The following ACSS3 variants were observed in gnomAD, a reference collection of about 807,000 sequenced individuals.
The protein encoded by ACSS3 is acyl-CoA synthetase short-chain family member 3, mitochondrial.
Under a neutral mutation model 84.2 loss-of-function variants are expected in ACSS3, and 64 were observed. The ratio of observed to expected loss-of-function variants is 0.76; its 90% CI spans 0.62 to 0.94. The LOEUF (loss-of-function observed/expected upper bound fraction) is 0.94, where lower values mean the gene tolerates loss of function less well. ACSS3 is among the 40% of genes least tolerant of loss of function. The pLI, the probability that ACSS3 is intolerant of heterozygous loss-of-function variation, is 0.00. For synonymous variants in ACSS3, 317 were observed against 310.1 expected, an observed-to-expected ratio of 1.02 and a Z score of -0.23; for missense variants, 815 against 867.6, an observed-to-expected ratio of 0.94 and a Z score of 0.76.
intron 5 of ACSS3, among the ~76,000 whole-genome samples, chr12:81,147,832 T>C (rs770994715): frequency 6.6e-6 from 1 of 151,702 alleles, no homozygotes; most frequent in Non-Finnish European, 1.5e-5. Context: ...AAATTTATTT[T>C]CCCCCTTTAT....
intron 2 of ACSS3, among the ~76,000 whole-genome samples, chr12:81,110,480 T>C (rs1883483520): frequency 6.6e-6 from 1 of 152,178 alleles, no homozygotes; most frequent in Non-Finnish European, 1.5e-5. Context: ...TCAGAAGTAA[T>C]TATAAAAAGT....
rs375018875 is a variant in ACSS3, at chr12:81,231,122, A to G, written c.1580A>G (p.Tyr527Cys). 6.2e-7 allele frequency: 1 copy of G among 1,609,196 alleles called. No homozygotes were observed. ...AATCAGGAAGCATTCAAGCATTTAT[A>G]CTTTGAAAAATTTCCTGTAAGAACT... ...WKNQEAFKHLYFEKFPGYYDT... is the reference protein window; with the variant it reads ...WKNQEAFKHLCFEKFPGYYDT... Residue 527 changes from tyrosine to cysteine, a missense_variant, in exon 12 of 16, where the codon TAC becomes TGC. Physicochemically the swap from Tyr to Cys is radical, Grantham distance 194. Coordinates refer to ENST00000548058, the MANE Select transcript of ACSS3 (RefSeq NM_024560.4).
intron 4 of ACSS3, among the ~76,000 whole-genome samples, chr12:81,139,970 G>C (rs549640498): frequency 6.6e-6 from 1 of 152,146 alleles, no homozygotes; most frequent in Admixed American, 6.6e-5. Flanking sequence ...CTATTAACTA[G>C]ATGATAATAT....
At chr12:81,202,850 C>T (rs78189564) in intron 9 of ACSS3, among the ~76,000 whole-genome samples, 14,194 of 152,160 alleles carry the variant, frequency 0.093, 890 homozygotes, top group East Asian at 0.2. Context: ...GAAGGGACTC[C>T]GCAGTCAGTT....
intron 2 of ACSS3, among the ~76,000 whole-genome samples, chr12:81,114,058 G>A (rs1431043362): frequency 6.6e-6 from 1 of 151,844 alleles, no homozygotes; most frequent in Non-Finnish European, 1.5e-5. Context: ...TTCTGTGTGT[G>A]GCAAGTGTGC....
intron 13 of ACSS3, 113 bp from the exon 14 acceptor site, chr12:81,253,194 C>T (rs1179609107): frequency 2.6e-6 from 3 of 1,175,692 alleles, no homozygotes; most frequent in Non-Finnish European, 3.6e-6. Flanking sequence ...CACTTTTTTC[C>T]CCAACTGAAA....
At chr12:81,163,511 C>A (rs1285816139) in intron 7 of ACSS3, among the ~76,000 whole-genome samples, 1 of 152,118 alleles carries the variant, frequency 6.6e-6, no homozygotes. Flanking sequence ...CTATACTATA[C>A]CTTTTATCTT....
At chr12:81,143,976 T>C (rs939818536) in intron 5 of ACSS3, among the ~76,000 whole-genome samples, 1 of 152,200 alleles carries the variant, frequency 6.6e-6, no homozygotes, top group African/African-American at 2.4e-5. Flanking sequence ...CTTACTCATC[T>C]TTATTAGGTG....
intron 1 of ACSS3, among the ~76,000 whole-genome samples, chr12:81,106,141 G>A (rs921609991): frequency 3.9e-5 from 6 of 152,198 alleles, no homozygotes; most frequent in African/African-American, 1.2e-4. Context: ...GGGCCACACA[G>A]CAGGAGGTGA....
At position 81,253,665 on chromosome 12, in the gene ACSS3, T is replaced by C. The variant is rs1389470653; in HGVS notation, c.1990T>C (p.Tyr664His). Residue 664 changes from tyrosine (Y) to histidine (H), a missense_variant, in exon 15 of 16, where the codon TAC becomes CAC. Coordinates refer to ENST00000548058, the MANE Select transcript of ACSS3 (RefSeq NM_024560.4). ...ATCTGCCATTGTCAATGGCAAGCCA[T>C]ACAAGGTAAATTATCAAAGATATTT... ...ALSAIVNGKPYKITSTIEDPS... is the reference protein window; with the variant it reads ...ALSAIVNGKPHKITSTIEDPS... 6.2e-7 allele frequency: 1 copy of C among 1,610,748 alleles called. No homozygotes were observed. Among genetic ancestry groups the C allele is most frequent in the Non-Finnish European group, 8.5e-7 (1 of 1,177,722 alleles).
chr12:81,123,834 A>G (rs999714342), intron 2 of ACSS3, among the ~76,000 whole-genome samples: 1 of 152,132 alleles, frequency 6.6e-6, no homozygotes, highest in African/African-American at 2.4e-5. Context: ...TCCATAGTGT[A>G]TATGTACCAC....
At chr12:81,130,574 G>C (rs1241819662) in intron 2 of ACSS3, among the ~76,000 whole-genome samples, 1 of 152,134 alleles carries the variant, frequency 6.6e-6, no homozygotes, top group East Asian at 1.9e-4. Flanking sequence ...ACATTCTGTA[G>C]GTTGCATGTT....
intron 2 of ACSS3, among the ~76,000 whole-genome samples, chr12:81,129,392 C>T (rs886523678): frequency 6.6e-6 from 1 of 152,050 alleles, no homozygotes; most frequent in South Asian, 2.1e-4. Context: ...TATGGCAAAC[C>T]ACTAGGCTGA....
Position 81,199,411 on chromosome 12 carries a change from A to G in ACSS3, c.1321A>G (p.Arg441Gly), listed in dbSNP as rs750755619. 3 of 1,613,648 alleles carry G rather than the reference A, an allele frequency of 1.9e-6. No homozygotes were observed. In the Admixed American group the frequency reaches 5.0e-5, roughly 27 times the overall value. The stretch of plus-strand genomic sequence containing the variant: ...CCTGGAATGGTCCAAAAATGTCTTC[A>G]GAGTACCTGTCTTAGACCATTGGTG... ...ETLEWSKNVF[R>G]VPVLDHWWQT... is the part of the protein sequence containing the mutation. Residue 441 changes from arginine to glycine, a missense_variant, in exon 9 of 16, where the codon AGA (arginine) becomes GGA (glycine). Physicochemically the swap from Arg to Gly is moderately radical, Grantham distance 125 (BLOSUM62 -2). Transcript: ENST00000548058.
chr12:81,123,852 T>G lies in ACSS3; in HGVS notation c.457-10964T>G, dbSNP rs540668062. ...ATAGTGTATATGTACCACATTTTCT[T>G]TATCCAGTCCACCATTGGTGGGTAT... On this transcript the variant is annotated intron_variant, in intron 2 of 15. Coordinates refer to ENST00000548058, the MANE Select transcript of ACSS3 (RefSeq NM_024560.4). Among the ~76,000 whole-genome samples, 224 of 152,340 alleles carry G rather than the reference T, an allele frequency of 1.5e-3. 1 individual carries two copies. The highest frequency in any genetic ancestry group is 2.5e-3 in the Non-Finnish European group (171 of 68,020).
chr12:81,209,010 G>A (rs947683332), intron 9 of ACSS3, among the ~76,000 whole-genome samples: 6 of 152,096 alleles, frequency 3.9e-5, no homozygotes, highest in Non-Finnish European at 5.9e-5. Flanking sequence ...TGTTGTAAAG[G>A]AATCATAATG....
chr12:81,207,379 T>G (rs2032391777), intron 9 of ACSS3, among the ~76,000 whole-genome samples: 1 of 152,112 alleles, frequency 6.6e-6, no homozygotes, highest in Non-Finnish European at 1.5e-5. Context: ...AGAAACAATG[T>G]GGGTAGCAAG....
intron 13 of ACSS3, among the ~76,000 whole-genome samples, chr12:81,250,486 C>T (rs1207070504): frequency 6.6e-6 from 1 of 151,952 alleles, no homozygotes; most frequent in Non-Finnish European, 1.5e-5. Flanking sequence ...ATACTCCTTG[C>T]TTTTATAGAA....
At chr12:81,252,378 G>A (rs1008336138) in intron 13 of ACSS3, among the ~76,000 whole-genome samples, 5 of 152,014 alleles carry the variant, frequency 3.3e-5, no homozygotes, top group African/African-American at 9.7e-5. Flanking sequence ...TGAACCCAGC[G>A]AATGTTTGCA....
Sources: gnomAD v4.1 joint callset for allele counts (sites outside exome capture counted in the v4.1 genomes callset) on GRCh38, gnomAD v4.1.1 for gene constraint, MANE v1.5 for transcripts, NCBI Gene and HGNC (gene_info 2026-07-23, HGNC 2026-07-21) for gene names.